SCN9A: variants seen among roughly 807,000 people sequenced by gnomAD.
SCN9A encodes sodium channel protein type 9 subunit alpha.
A neutral mutation model predicts 187.0 loss-of-function variants in SCN9A; 131 were observed. The ratio of observed to expected loss-of-function variants is 0.70; its 90% CI spans 0.61 to 0.81. SCN9A has a LOEUF of 0.81. SCN9A is among the 30% of genes least tolerant of loss of function. SCN9A has a pLI of 0.00. For missense variants in SCN9A, 2,252 were observed against 2,396.6 expected, an observed-to-expected ratio of 0.94 and a Z score of 1.26; for synonymous variants, 809 against 808.6, an observed-to-expected ratio of 1.00 and a Z score of -0.01.
chr2:166,266,567 T>C (rs1422620660), intron 17 of SCN9A, among the ~76,000 whole-genome samples: 1 of 114,726 alleles, frequency 8.7e-6, no homozygotes, highest in Non-Finnish European at 1.8e-5. Flanking sequence ...TTCATACAAA[T>C]GTTAGGACTT....
At chr2:166,330,525 T>C (rs1258171583) in intron 1 of SCN9A, among the ~76,000 whole-genome samples, 20 of 152,174 alleles carry the variant, frequency 1.3e-4, no homozygotes, top group Non-Finnish European at 1.5e-5. Flanking sequence ...TATTCCAGTG[T>C]ATATTACCAG....
At chr2:166,270,410 G>A (rs994430041) in intron 17 of SCN9A, among the ~76,000 whole-genome samples, 4 of 151,746 alleles carry the variant, frequency 2.6e-5, no homozygotes, top group African/African-American at 9.7e-5. Flanking sequence ...GCAGATTTTA[G>A]TCTCTGTGGG....
intron 7 of SCN9A, among the ~76,000 whole-genome samples, chr2:166,297,531 C>A (rs1357391498): frequency 6.6e-6 from 1 of 152,032 alleles, no homozygotes; most frequent in African/African-American, 2.4e-5. Flanking sequence ...ATATTATATG[C>A]TTCCATGTAT....
chr2:166,301,687 T>C (rs1698560855), intron 7 of SCN9A: 1 of 150,818 alleles, frequency 6.6e-6, no homozygotes, highest in Non-Finnish European at 1.5e-5. Flanking sequence ...TAAATAAGTG[T>C]GGTAAAATAA....
At chr2:166,299,779 C>G (rs1020969660) in intron 7 of SCN9A, among the ~76,000 whole-genome samples, 2 of 150,852 alleles carry the variant, frequency 1.3e-5, no homozygotes, top group African/African-American at 5.0e-5. Context: ...CTCCAATTCT[C>G]TATATTATAT....
intron 2 of SCN9A, among the ~76,000 whole-genome samples, chr2:166,307,950 A>G (rs1030087301): frequency 2.6e-5 from 4 of 152,198 alleles, no homozygotes; most frequent in African/African-American, 9.7e-5. Flanking sequence ...TAAATTTTAT[A>G]TAGGGTTATC....
chr2:166,284,437 T>C lies in SCN9A; in HGVS notation c.1974+16A>G. On this transcript the variant is annotated intron_variant, in intron 12 of 26. Transcript: ENST00000642356. ...CAAGGGCCCAGCCATGCCTGAGCTA[T>C]GTAAAACGTCCTTACGCTGTCATCA... The C allele has an allele frequency of 6.3e-7, 1 of 1,592,632 alleles. No homozygotes were observed. The highest frequency in any genetic ancestry group is 8.5e-7 in the Non-Finnish European group (1 of 1,169,694).
intron 21 of SCN9A, 68 bp downstream of exon 21, chr2:166,233,272 A>G: frequency 8.7e-7 from 1 of 1,145,174 alleles, no homozygotes; most frequent in Non-Finnish European, 1.2e-6. Flanking sequence ...ATTTCTACAT[A>G]CCCATTGTTT....
intron 17 of SCN9A, among the ~76,000 whole-genome samples, chr2:166,261,352 T>G (rs1347523819): frequency 6.6e-6 from 1 of 151,908 alleles, no homozygotes; most frequent in Non-Finnish European, 1.5e-5. Flanking sequence ...CAATAAGACA[T>G]AAGCCAAAGT....
Position 166,204,456 on chromosome 2 carries a change from A to T in SCN9A, c.4407T>A (p.Gly1469=), listed in dbSNP as rs1473923474. 1 of 1,534,816 alleles carries T rather than the reference A, an allele frequency of 6.5e-7. No homozygotes were observed. Among genetic ancestry groups the T allele is most frequent in the Non-Finnish European group, 8.7e-7 (1 of 1,150,472 alleles). ...GTTCTTCTGTCATAAAGATGTCTTG[A>T]CCTCCAAGGTAAAGAAACAAACAAA... is the stretch of plus-strand genomic sequence containing the variant. ...NFNQQKKKLG[G]QDIFMTEEQK... is the part of the protein sequence containing the mutation. Residue 1469 remains glycine, a synonymous_variant, in exon 25 of 27, where the codon GGT becomes GGA. Transcript: ENST00000642356.
chr2:166,200,532 A>G (rs1048226845), intron 26 of SCN9A, among the ~76,000 whole-genome samples: 2 of 152,218 alleles, frequency 1.3e-5, no homozygotes, highest in African/African-American at 2.4e-5. Context: ...GTCAACAATA[A>G]CTATTATCAA....
At chr2:166,215,898 T>TTATACTGA (rs1287156660) in intron 24 of SCN9A, among the ~76,000 whole-genome samples, 1 of 152,056 alleles carries the variant, frequency 6.6e-6, no homozygotes, top group African/African-American at 2.4e-5. Context: ...GAGGCCAGTA[T>TTATACTGA]TATACTGATA....
intron 10 of SCN9A, among the ~76,000 whole-genome samples, chr2:166,287,971 GTA>G (rs988107028): frequency 2.6e-4 from 38 of 145,254 alleles, no homozygotes; most frequent in African/African-American, 9.3e-4. Context: ...TATATATATT[GTA>G]TATATATATA....
chr2:166,273,767 A>C (rs552688314), intron 16 of SCN9A, among the ~76,000 whole-genome samples: 1 of 152,270 alleles, frequency 6.6e-6, no homozygotes, highest in East Asian at 1.9e-4. Flanking sequence ...TTGGCATTTG[A>C]TGTAAGTCTT....
intron 17 of SCN9A, 133 bp from the exon 18 acceptor site, chr2:166,252,018 A>T (rs1696065335): frequency 1.0e-6 from 1 of 984,086 alleles, no homozygotes; most frequent in Admixed American, 2.4e-5. Context: ...GGCCATAAAA[A>T]ATGTATAAAC....
intron 16 of SCN9A, 59 bp downstream of exon 16, chr2:166,276,924 C>T (rs1173630691): frequency 2.2e-6 from 3 of 1,387,144 alleles, no homozygotes; most frequent in East Asian, 2.3e-5. Flanking sequence ...TAATAGATCA[C>T]ATCATCACAA....
intron 25 of SCN9A, 27 bp downstream of exon 25, chr2:166,204,333 A>G (rs201134155): frequency 1.9e-6 from 3 of 1,571,160 alleles, no homozygotes; most frequent in Non-Finnish European, 1.7e-6. Flanking sequence ...GAAAATCTAT[A>G]TGCTAAAGAT....
chr2:166,278,415 GT>G (rs1697333864), intron 14 of SCN9A, 102 bp from the exon 15 acceptor site: 2 of 971,630 alleles, frequency 2.1e-6, no homozygotes, highest in South Asian at 3.6e-5. Context: ...GTTCCAGACA[GT>G]TTGCTAAATA....
Position 166,199,934 on chromosome 2 carries a change from A to G in SCN9A, c.4775-70T>C. ...ATGCTACCTGAAATGATGACTCTAA[A>G]CAGTTTTATCTGTCAACTCATTTCT... is the stretch of plus-strand genomic sequence containing the variant. On this transcript the variant is annotated intron_variant, in intron 26 of 26. Coordinates refer to ENST00000642356, the MANE Select transcript of SCN9A (RefSeq NM_001365536.1). 5 of 1,093,024 alleles carry G rather than the reference A, an allele frequency of 4.6e-6. No homozygotes were observed. The South Asian group carries it at 5.4e-5, about 12-fold the overall frequency. 67.7% of individuals were successfully genotyped at this position (1,093,024 alleles called of 1,614,324 possible). A position where few individuals can be genotyped will look rare whatever the true frequency, so the allele number is the denominator to read the frequency against.
Sources: gnomAD v4.1 joint callset for allele counts (sites outside exome capture counted in the v4.1 genomes callset) on GRCh38, gnomAD v4.1.1 for gene constraint, MANE v1.5 for transcripts, NCBI Gene and HGNC (gene_info 2026-07-23, HGNC 2026-07-21) for gene names.